The following ETNK1 variants were observed in gnomAD, a reference collection of about 807,000 sequenced individuals.
ETNK1 encodes ethanolamine kinase 1.
In ETNK1, 8 loss-of-function variants were observed where a neutral mutation model predicts 45.1. The observed-to-expected ratio is 0.18, with a 90% CI of 0.10 to 0.32. The LOEUF (loss-of-function observed/expected upper bound fraction) is 0.32, where lower values mean the gene tolerates loss of function less well. Among genes scored for constraint, ETNK1 ranks in the 10% least tolerant of loss-of-function variants. ETNK1 has a pLI of 1.00. For synonymous variants in ETNK1, 152 were observed against 151.9 expected, an observed-to-expected ratio of 1.00 and a Z score of -0.01; for missense variants, 302 against 430.6, an observed-to-expected ratio of 0.70 and a Z score of 2.64.
chr12:22,665,749 A>G (rs1373471346), intron 4 of ETNK1, among the ~76,000 whole-genome samples: 1 of 152,120 alleles, frequency 6.6e-6, no homozygotes, highest in Non-Finnish European at 1.5e-5. Flanking sequence ...TGTTTATAGC[A>G]TTTGTTTTAC....
intron 2 of ETNK1, among the ~76,000 whole-genome samples, chr12:22,649,721 T>C (rs890323112): frequency 1.3e-5 from 2 of 152,270 alleles, no homozygotes; most frequent in Admixed American, 6.5e-5. Flanking sequence ...TTATAAACTT[T>C]AGTTTTTACA....
chr12:22,656,502 T>C, intron 2 of ETNK1: 1 of 985,384 alleles, frequency 1.0e-6, no homozygotes, highest in Non-Finnish European at 1.2e-6. Flanking sequence ...CTGCAGCACT[T>C]GGATGACTAC....
chr12:22,674,330 G>A (rs780577199), intron 6 of ETNK1, among the ~76,000 whole-genome samples: 10 of 152,060 alleles, frequency 6.6e-5, no homozygotes, highest in African/African-American at 9.7e-5. Flanking sequence ...GCTGCTTTTT[G>A]GTTTTAATAT....
At position 22,685,080 on chromosome 12, in the gene ETNK1, G is replaced by A; in HGVS notation, c.*126G>A. The A allele has an allele frequency of 1.6e-6, 1 of 610,624 alleles. No individual in the cohort carries two copies. The highest frequency in any genetic ancestry group is 2.8e-6 in the Non-Finnish European group (1 of 361,070). 37.8% of individuals were successfully genotyped at this position (610,624 alleles called of 1,614,324 possible). A position where few individuals can be genotyped will look rare whatever the true frequency, so the allele number is the denominator to read the frequency against. On this transcript the variant is annotated 3_prime_UTR_variant, in exon 8 of 8. Transcript: ENST00000266517. ...TTGGTTATCTTGCTTTATAAATTAT[G>A]CCTCTAAACAATCAAATCTATTTTT...
chr12:22,662,230 G>A (rs1219644611), intron 4 of ETNK1, among the ~76,000 whole-genome samples: 1 of 149,032 alleles, frequency 6.7e-6, no homozygotes, highest in Non-Finnish European at 1.5e-5. Context: ...ACCATGCCCG[G>A]CTAATTTTTG....
intron 6 of ETNK1, 29 bp downstream of exon 6, chr12:22,673,689 A>C: frequency 1.3e-6 from 2 of 1,568,780 alleles, no homozygotes; most frequent in African/African-American, 2.7e-5. Flanking sequence ...AATTAATGAA[A>C]GGTTCTTACT....
At position 22,686,437 on chromosome 12, in the gene ETNK1, A is replaced by G. The variant is rs1341529154; in HGVS notation, c.*1483A>G. On this transcript the variant is annotated 3_prime_UTR_variant, in exon 8 of 8. Coordinates refer to ENST00000266517, the MANE Select transcript of ETNK1 (RefSeq NM_018638.5). ...CAACTACAAATTTATCCTCTGAGAAATCTTCTGAGGAGTCTAATGTATTCC... is the reference window on the plus strand; with the variant it reads ...CAACTACAAATTTATCCTCTGAGAAGTCTTCTGAGGAGTCTAATGTATTCC... 6.6e-6 allele frequency: 1 copy of G among 152,334 alleles called. No individual in the cohort carries two copies. The highest frequency in any genetic ancestry group is 1.5e-5 in the Non-Finnish European group (1 of 67,816). The allele number at this position is 152,334 out of a possible 1,614,324, so 9.4% of individuals were successfully genotyped here.
At chr12:22,652,172 A>G (rs935311429) in intron 2 of ETNK1, among the ~76,000 whole-genome samples, 17 of 152,310 alleles carry the variant, frequency 1.1e-4, no homozygotes, top group African/African-American at 3.8e-4. Context: ...TTTATGTTGT[A>G]TAGCATGTGT....
intron 2 of ETNK1, among the ~76,000 whole-genome samples, chr12:22,647,605 T>TA (rs2137539518): frequency 6.6e-6 from 1 of 151,978 alleles, no homozygotes; most frequent in South Asian, 2.1e-4. Context: ...AAAATCAGCT[T>TA]AAAAAATAGC....
chr12:22,659,346 C>A (rs918132306), intron 3 of ETNK1, among the ~76,000 whole-genome samples, 192 bp downstream of exon 3: 1 of 152,010 alleles, frequency 6.6e-6, no homozygotes, highest in African/African-American at 2.4e-5. Flanking sequence ...CCTCAGTGTC[C>A]CCTCCCAAAA....
Position 22,673,601 on chromosome 12 carries a change from A to T in ETNK1, c.886A>T (p.Thr296Ser). 1 of 1,613,942 alleles carries T rather than the reference A, an allele frequency of 6.2e-7. No individual in the cohort carries two copies. Among genetic ancestry groups the T allele is most frequent in the Non-Finnish European group, 8.5e-7 (1 of 1,179,910 alleles). ...CTACAAAGAATTTAAGGGCTTTGGG[A>T]CTGAAGTTACTGAAAAGGAGGTAGA... ...EAYKEFKGFG[T>S]EVTEKEVEIL... The change falls in exon 6 of 8, where the codon ACT (threonine) becomes TCT (serine). Residue 296 changes from threonine to serine, a missense_variant. By Grantham distance (58) the Thr-to-Ser change is moderately conservative. Around this residue, in one of 3 missense-constraint regions of ETNK1, gnomAD observed 94 missense variants for 152.9 expected, o/e 0.61. Transcript: ENST00000266517.
At chr12:22,644,363 G>A in intron 2 of ETNK1, 1 of 1,431,768 alleles carries the variant, frequency 7.0e-7, no homozygotes, top group South Asian at 1.7e-5. Flanking sequence ...TTACTTAATT[G>A]TTCATGTTTT....
intron 1 of ETNK1, among the ~76,000 whole-genome samples, chr12:22,639,765 A>G (rs905963924): frequency 6.6e-6 from 1 of 152,160 alleles, no homozygotes; most frequent in Admixed American, 6.6e-5. Context: ...AGAAGGTATA[A>G]CATGTCAGGT....
At chr12:22,670,745 T>G (rs1954099970) in intron 4 of ETNK1, among the ~76,000 whole-genome samples, 2 of 152,204 alleles carry the variant, frequency 1.3e-5, no homozygotes, top group South Asian at 4.1e-4. Flanking sequence ...AACTAACTTC[T>G]TGTTAGTGAT....
chr12:22,642,074 C>T (rs1030618281), intron 1 of ETNK1, among the ~76,000 whole-genome samples: 15 of 152,010 alleles, frequency 9.9e-5, no homozygotes, highest in African/African-American at 3.6e-4. Context: ...GGTAGCTATA[C>T]GAGTTCTAGT....
chr12:22,671,798 T>C (rs990148267), intron 5 of ETNK1, among the ~76,000 whole-genome samples: 2 of 140,106 alleles, frequency 1.4e-5, no homozygotes, highest in African/African-American at 5.6e-5. Flanking sequence ...GAGATCGCGC[T>C]ACTGCACTCC....
chr12:22,667,296 C>T (rs1029605558), intron 4 of ETNK1, among the ~76,000 whole-genome samples: 4 of 152,016 alleles, frequency 2.6e-5, no homozygotes, highest in Non-Finnish European at 4.4e-5. Flanking sequence ...TGTCTTTTCC[C>T]CTCCCCCAGC....
rs536257779 is a variant in ETNK1, at chr12:22,689,974, T to C, written c.*5020T>C. ...TATGAAGTATTTGAGTTTTAAAATA[T>C]ACTGTTATTAAAAGGAAAAAGACAT... On this transcript the variant is annotated 3_prime_UTR_variant, in exon 8 of 8. Coordinates refer to ENST00000266517, the MANE Select transcript of ETNK1 (RefSeq NM_018638.5). 1.3e-5 allele frequency: 2 copies of C among 152,500 alleles called. No individual in the cohort carries two copies. The highest frequency in any genetic ancestry group is 2.4e-5 in the African/African-American group (1 of 41,448). 9.4% of individuals were successfully genotyped at this position (152,500 alleles called of 1,614,324 possible). A position where few individuals can be genotyped will look rare whatever the true frequency, so the allele number is the denominator to read the frequency against.
chr12:22,649,905 C>T (rs553766999), intron 2 of ETNK1, among the ~76,000 whole-genome samples: 1 of 152,186 alleles, frequency 6.6e-6, no homozygotes, highest in South Asian at 2.1e-4. Flanking sequence ...GAAGAACTGA[C>T]ATCTTGGCAG....
Sources: gnomAD v4.1 joint callset for allele counts (sites outside exome capture counted in the v4.1 genomes callset) on GRCh38, gnomAD v4.1.1 for gene constraint, gnomAD v4.1.1 regional missense constraint, MANE v1.5 for transcripts, NCBI Gene and HGNC (gene_info 2026-07-23, HGNC 2026-07-21) for gene names.